Variants in TP53BP1 observed in about 807,000 individuals in gnomAD.
The protein encoded by TP53BP1 is TP53-binding protein 1.
Under a neutral mutation model 200.8 loss-of-function variants are expected in TP53BP1, and 61 were observed. That is an observed-to-expected ratio of 0.30 (90% CI 0.25 to 0.38). The LOEUF (loss-of-function observed/expected upper bound fraction) is 0.38. Ranked by LOEUF, TP53BP1 falls within the 10% of genes least tolerant of loss-of-function variation. TP53BP1 has a pLI of 1.00. For missense variants in TP53BP1, 2,144 were observed against 2,371.9 expected (o/e 0.90, Z 2.00); for synonymous variants, 822 against 844.3 (o/e 0.97, Z 0.46).
rs769352531 is a variant in TP53BP1, at chr15:43,457,233, A to G, written c.1390-15T>C. The G allele has an allele frequency of 6.4e-7, 1 of 1,564,114 alleles. No individual in the cohort carries two copies. On this transcript the variant is annotated splice_polypyrimidine_tract_variant and intron_variant, in intron 11 of 27. Coordinates refer to ENST00000382044, the MANE Select transcript of TP53BP1 (RefSeq NM_001141980.3). ...ATAAAAATGTCCTAAGGAAGAACAG[A>G]AAGAGACAAATTGTAATTTGTACAT...
In TP53BP1 at chr15:43,407,349, T is replaced by C. The variant is rs771674565; in HGVS notation, c.*34A>G. The C allele has an allele frequency of 6.3e-6, 10 of 1,596,910 alleles. No homozygotes were observed. Among genetic ancestry groups the C allele is most frequent in the East Asian group, 2.2e-5 (1 of 44,718 alleles). On this transcript the variant is annotated 3_prime_UTR_variant, in exon 28 of 28. Coordinates refer to ENST00000382044, the MANE Select transcript of TP53BP1 (RefSeq NM_001141980.3). ...CCTGGTTAAAACACAATCTCCACGA[T>C]AGCAGGGAATAAAACCAGTAAGACC...
At chr15:43,434,979 G>C (rs1158844931) in intron 16 of TP53BP1, among the ~76,000 whole-genome samples, 2 of 152,088 alleles carry the variant, frequency 1.3e-5, no homozygotes, top group African/African-American at 2.4e-5. Context: ...GTAAATTTTA[G>C]GCTGGGCACA....
At chr15:43,433,498 C>T (rs1484113918) in intron 16 of TP53BP1, among the ~76,000 whole-genome samples, 1 of 152,204 alleles carries the variant, frequency 6.6e-6, no homozygotes, top group Non-Finnish European at 1.5e-5. Flanking sequence ...CATGTCTTAT[C>T]TATCTTTATA....
rs540388342 is a variant in TP53BP1 at position 43,490,201 on chromosome 15, T to G, written c.371+1468A>C. The stretch of plus-strand genomic sequence containing the variant: ...GCTTCCCAGGTTCAAGTGATTCTCC[T>G]GATGCAGCCTCCTGAGTGGCTGGTA... On this transcript the variant is annotated intron_variant, in intron 4 of 27. Coordinates refer to ENST00000382044, the MANE Select transcript of TP53BP1 (RefSeq NM_001141980.3). 1.2e-4 allele frequency among the ~76,000 whole-genome samples: 18 copies of G among 152,270 alleles called. 1 individual carries two copies. Among genetic ancestry groups the G allele is most frequent in the African/African-American group, 4.1e-4 (17 of 41,552 alleles).
chr15:43,447,498 A>AG lies in TP53BP1; in HGVS notation c.2717-14_2717-13insC, dbSNP rs1421027619. The AG allele has an allele frequency of 9.4e-6, 14 of 1,490,470 alleles. No individual in the cohort carries two copies. The highest frequency in any genetic ancestry group is 1.1e-5 in the Non-Finnish European group (12 of 1,117,806). The allele number at this position is 1,490,470 out of a possible 1,614,324, so 92.3% of individuals were successfully genotyped here. A position where few individuals can be genotyped will look rare whatever the true frequency, so the allele number is the denominator to read the frequency against. ...TGAAATGGGGTTTCTGAAAAAAAAA[A>AG]AAAAAAGAAAAAAGAAAGAAAGAAA... is the stretch of plus-strand genomic sequence containing the variant. On this transcript the variant is annotated splice_polypyrimidine_tract_variant and intron_variant, in intron 12 of 27. Coordinates refer to ENST00000382044, the MANE Select transcript of TP53BP1 (RefSeq NM_001141980.3).
chr15:43,474,618 A>G, intron 10 of TP53BP1, 55 bp downstream of exon 10: 1 of 1,289,148 alleles, frequency 7.8e-7, no homozygotes. Context: ...GCAAGGCAGA[A>G]AAAGTGTTGC....
intron 26 of TP53BP1, chr15:43,408,692 C>T (rs2045010106): frequency 3.5e-6 from 2 of 574,930 alleles, no homozygotes; most frequent in Non-Finnish European, 6.2e-6. Flanking sequence ...ATATACAAAT[C>T]TTCACACATT....
intron 13 of TP53BP1, chr15:43,446,852 G>A: frequency 7.3e-7 from 1 of 1,362,322 alleles, no homozygotes; most frequent in South Asian, 1.2e-5. Context: ...ACCCACATCT[G>A]CCAGCATCAG....
At chr15:43,493,567 AG>A (rs34166340), upstream of TP53BP1, among the ~76,000 whole-genome samples, 70,310 of 151,804 alleles carry the variant, frequency 0.46, 21,300 homozygotes, top group African/African-American at 0.87. Flanking sequence ...GAGGATGGCT[AG>A]GTACTTCAGA....
chr15:43,421,716 C>A (rs979318559), intron 19 of TP53BP1, 139 bp downstream of exon 19: 3 of 1,238,204 alleles, frequency 2.4e-6, no homozygotes, highest in African/African-American at 1.5e-5. Flanking sequence ...AGGAAGAGAG[C>A]AAATAGTGAA....
intron 20 of TP53BP1, 63 bp downstream of exon 20, chr15:43,420,962 C>T: frequency 1.3e-6 from 2 of 1,555,586 alleles, no homozygotes; most frequent in South Asian, 1.2e-5. Context: ...TCTCTACTCC[C>T]CTCTCCTCCA....
rs1181917147 is a variant in TP53BP1, at chr15:43,438,387, C to A, written c.3128G>T (p.Cys1043Phe). The change falls in exon 16 of 28, where the codon TGT becomes TTT. Residue 1043 changes from cysteine (C) to phenylalanine (F), a missense_variant. This residue lies in a region of TP53BP1 where 1,700 missense variants were observed against 1,710.3 expected (regional missense o/e 0.99). Transcript: ENST00000382044. ...ATTCTCTTGCCTGGCTTCACAGATA[C>A]AGCTCAACACAGACATGGTCTTCTG... is the stretch of plus-strand genomic sequence containing the variant. ...SPQKTMSVLS[C>F]ICEARQENEA... 6.2e-7 allele frequency: 1 copy of A among 1,613,342 alleles called. No homozygotes were observed. Among genetic ancestry groups the A allele is most frequent in the South Asian group, 1.1e-5 (1 of 90,784 alleles).
intron 10 of TP53BP1, among the ~76,000 whole-genome samples, chr15:43,473,179 C>T (rs1040059269): frequency 6.6e-6 from 1 of 152,046 alleles, no homozygotes; most frequent in Non-Finnish European, 1.5e-5. Flanking sequence ...GCAGCGTGGA[C>T]CCAAAGAGTG....
Position 43,474,674 on chromosome 15 carries a change from T to G in TP53BP1, c.1179A>C (p.Gln393His). Residue 393 changes from glutamine (Q) to histidine (H), a missense_variant and splice_region_variant, in exon 10 of 28, where the codon CAA becomes CAC. Around this residue, in one of 4 missense-constraint regions of TP53BP1, gnomAD observed 1,700 missense variants for 1,710.3 expected, o/e 0.99. Transcript: ENST00000382044. ...PSSPTEQEGR[Q>H]DKPMDTSVLS... ...AACAGACAGATCAAGAGAGCTCACC[T>G]TGTCTCCCTTCTTGCTCTGTGGGAC... 4 of 1,605,376 alleles carry G rather than the reference T, an allele frequency of 2.5e-6. No individual in the cohort carries two copies. Among genetic ancestry groups the G allele is most frequent in the Non-Finnish European group, 3.4e-6 (4 of 1,172,304 alleles).
In TP53BP1 at chr15:43,406,265, C is replaced by A; in HGVS notation, c.*1118G>T. 4.9e-6 allele frequency: 1 copy of A among 204,108 alleles called. No homozygotes were observed. Among genetic ancestry groups the A allele is most frequent in the Admixed American group, 5.5e-5 (1 of 18,230 alleles). 12.6% of individuals were successfully genotyped at this position (204,108 alleles called of 1,614,324 possible). On this transcript the variant is annotated 3_prime_UTR_variant, in exon 28 of 28. Coordinates refer to ENST00000382044, the MANE Select transcript of TP53BP1 (RefSeq NM_001141980.3). ...AAAGAAATATTCACTGAACAACGCCCTCCAAACTGAAAAAGAATGCAGTGT... is the reference window on the plus strand; with the variant it reads ...AAAGAAATATTCACTGAACAACGCCATCCAAACTGAAAAAGAATGCAGTGT...
chr15:43,421,685 C>A lies in TP53BP1; in HGVS notation c.4100+170G>T, dbSNP rs372104342. The stretch of plus-strand genomic sequence containing the variant: ...CTACCTGCCACAGGGCTCCACCCTA[C>A]TTCCCACACAAACCCAAAACAGGAA... On this transcript the variant is annotated intron_variant, in intron 19 of 27. Coordinates refer to ENST00000382044, the MANE Select transcript of TP53BP1 (RefSeq NM_001141980.3). 9.7e-4 allele frequency: 928 copies of A among 955,092 alleles called. 10 individuals are homozygous for A. In the South Asian group the frequency reaches 0.014, roughly 15 times the overall value. The allele number at this position is 955,092 out of a possible 1,614,324, so 59.2% of individuals were successfully genotyped here. A position where few individuals can be genotyped will look rare whatever the true frequency, so the allele number is the denominator to read the frequency against.
chr15:43,510,470 G>C (rs1436668400), exon 1 of TP53BP1: 1 of 152,920 alleles, frequency 6.5e-6, no homozygotes, highest in African/African-American at 2.4e-5. Flanking sequence ...ACCGAGGATG[G>C]AGACCTCGGG....
At position 43,479,509 on chromosome 15, in the gene TP53BP1, GTTC is replaced by G; in HGVS notation, c.673_675del (p.Glu225del). On this transcript the variant is annotated inframe_deletion, in exon 7 of 28. Transcript: ENST00000382044. ...GCTATGGGGATATCTTCGTTGGACT[GTTC>G]TTCATGCTTAATTGCTGAGAGTTTT... 1.2e-6 allele frequency: 2 copies of G among 1,610,164 alleles called. No homozygotes were observed. The highest frequency in any genetic ancestry group is 1.7e-6 in the Non-Finnish European group (2 of 1,178,794).
intron 17 of TP53BP1, among the ~76,000 whole-genome samples, chr15:43,430,022 A>AGG (rs1274458357): frequency 7.2e-5 from 11 of 152,340 alleles, no homozygotes; most frequent in Middle Eastern, 3.4e-3. Context: ...GTCTGAGAGA[A>AGG]TAAGGAGAAA....
Sources: allele counts gnomAD v4.1 joint callset (sites outside exome capture counted in the v4.1 genomes callset), GRCh38; gene constraint gnomAD v4.1.1; regional missense constraint gnomAD v4.1.1; transcripts MANE v1.5; gene names NCBI Gene and HGNC (gene_info 2026-07-23, HGNC 2026-07-21).